TBC1D22A: variants seen among roughly 807,000 people sequenced by gnomAD.
The protein encoded by TBC1D22A is TBC1 domain family member 22A, also known as putative GTPase activator.
A neutral mutation model predicts 60.2 loss-of-function variants in TBC1D22A; 38 were observed. The observed-to-expected ratio is 0.63, with a 90% CI of 0.49 to 0.83. TBC1D22A has a LOEUF of 0.83. Among genes scored for constraint, TBC1D22A ranks in the 40% least tolerant of loss-of-function variants. The probability of loss-of-function intolerance (pLI) is 0.00; values close to 1 mark genes in which losing one functional copy is unlikely to be tolerated. For missense variants in TBC1D22A, 628 were observed against 701.0 expected (o/e 0.90, Z 1.18); for synonymous variants, 302 against 281.7 (o/e 1.07, Z -0.72).
chr22:46,842,143 A>G (rs941413651), intron 4 of TBC1D22A, among the ~76,000 whole-genome samples: 3 of 152,200 alleles, frequency 2.0e-5, no homozygotes, highest in African/African-American at 7.2e-5. Context: ...ACTTTTCCTT[A>G]ATTTAAAACA....
rs5767558 is a variant in TBC1D22A, at chr22:47,168,955, G to A, written c.1426-4543G>A. ...GGCATCGGGAGCCTCAGCATTGGGA[G>A]CCTCGTCTGCTCTTCGGCATCGGGA... On this transcript the variant is annotated intron_variant, in intron 12 of 12. Coordinates refer to ENST00000337137, the MANE Select transcript of TBC1D22A (RefSeq NM_014346.5). Among the ~76,000 whole-genome samples the A allele has an allele frequency of 3.6e-3, 540 of 151,928 alleles. 25 individuals carry two copies. The East Asian group carries it at 0.095, about 27-fold the overall frequency.
chr22:46,898,144 A>AT (rs1249869128), intron 7 of TBC1D22A, among the ~76,000 whole-genome samples: 2 of 152,042 alleles, frequency 1.3e-5, no homozygotes, highest in Admixed American at 1.3e-4. Flanking sequence ...ATTCTTATTT[A>AT]TTTTTTCCTA....
chr22:47,074,645 T>C (rs1475264502), intron 11 of TBC1D22A, among the ~76,000 whole-genome samples: 1 of 152,256 alleles, frequency 6.6e-6, no homozygotes, highest in East Asian at 1.9e-4. Flanking sequence ...GGAGTGCTTT[T>C]TGATAGCCAC....
intron 8 of TBC1D22A, among the ~76,000 whole-genome samples, chr22:46,942,961 C>T (rs923610370): frequency 9.9e-5 from 15 of 152,084 alleles, no homozygotes; most frequent in African/African-American, 3.4e-4. Flanking sequence ...TGCTTGCACA[C>T]GGAGGTGCGT....
At chr22:47,100,036 G>A (rs759419744) in intron 11 of TBC1D22A, among the ~76,000 whole-genome samples, 21 of 151,924 alleles carry the variant, frequency 1.4e-4, no homozygotes, top group Non-Finnish European at 2.9e-5. Context: ...GATGCTGACA[G>A]ACAGAGCCAA....
intron 8 of TBC1D22A, among the ~76,000 whole-genome samples, chr22:46,947,972 C>A (rs950479709): frequency 6.6e-6 from 1 of 152,192 alleles, no homozygotes; most frequent in Admixed American, 6.5e-5. Context: ...CTGATAAACT[C>A]GCCTTTTAAT....
At chr22:46,953,162 A>T (rs1283221636) in intron 8 of TBC1D22A, among the ~76,000 whole-genome samples, 4 of 152,188 alleles carry the variant, frequency 2.6e-5, no homozygotes, top group Non-Finnish European at 4.4e-5. Context: ...TGTTTTCCAC[A>T]TTTAATTTAT....
chr22:47,134,599 G>A (rs568469321), intron 12 of TBC1D22A, among the ~76,000 whole-genome samples: 1 of 152,342 alleles, frequency 6.6e-6, no homozygotes, highest in South Asian at 2.1e-4. Flanking sequence ...GGGTGTAAAA[G>A]GAATCAAAAA....
intron 4 of TBC1D22A, among the ~76,000 whole-genome samples, chr22:46,804,365 A>G (rs748975263): frequency 2.0e-5 from 3 of 152,250 alleles, no homozygotes; most frequent in Non-Finnish European, 4.4e-5. Flanking sequence ...CCAACAAACC[A>G]AAATTGCCAC....
intron 7 of TBC1D22A, among the ~76,000 whole-genome samples, chr22:46,895,197 G>A (rs1057335787): frequency 2.6e-5 from 4 of 152,064 alleles, no homozygotes; most frequent in African/African-American, 9.7e-5. Context: ...AAGGCCGCTT[G>A]TGTATCCCCC....
intron 8 of TBC1D22A, among the ~76,000 whole-genome samples, chr22:46,957,148 C>A (rs1251488139): frequency 6.6e-6 from 1 of 152,184 alleles, no homozygotes; most frequent in African/African-American, 2.4e-5. Context: ...ATTGCAGGCA[C>A]CAGGTGTGAT....
intron 4 of TBC1D22A, among the ~76,000 whole-genome samples, chr22:46,839,021 A>C (rs1338637747): frequency 6.6e-6 from 1 of 152,242 alleles, no homozygotes; most frequent in African/African-American, 2.4e-5. Flanking sequence ...GACAGTAAAA[A>C]GAAATAAAAG....
intron 4 of TBC1D22A, among the ~76,000 whole-genome samples, chr22:46,817,282 T>TC (rs1437693366): frequency 1.1e-4 from 16 of 151,860 alleles, no homozygotes; most frequent in Non-Finnish European, 1.6e-4. Flanking sequence ...CTTTATTCCT[T>TC]CTAAAAAAAA....
intron 10 of TBC1D22A, among the ~76,000 whole-genome samples, chr22:47,010,922 C>T (rs1184503909): frequency 6.6e-6 from 1 of 152,136 alleles, no homozygotes; most frequent in East Asian, 1.9e-4. Flanking sequence ...AGCCTCGGTC[C>T]CTGACTCTGG....
At chr22:46,974,240 G>A in intron 8 of TBC1D22A, 50 bp from the exon 9 acceptor site, 2 of 1,509,870 alleles carry the variant, frequency 1.3e-6, no homozygotes, top group South Asian at 2.4e-5. Context: ...GTGGGTCGAG[G>A]TCCCGTGTGG....
At position 46,792,472 on chromosome 22, in the gene TBC1D22A, G is replaced by A. The variant is rs200978487; in HGVS notation, c.63-48G>A. The A allele has an allele frequency of 7.8e-5, 126 of 1,613,638 alleles. No individual in the cohort carries two copies. The African/African-American group carries it at 1.5e-3, about 20-fold the overall frequency. The stretch of plus-strand genomic sequence containing the variant: ...TCGGCTGAGCTGGTGGAGGGCTCTT[G>A]GGAAGGCAGGAGAGAGGCTCACTGG... On this transcript the variant is annotated intron_variant, in intron 1 of 12. Coordinates refer to ENST00000337137, the MANE Select transcript of TBC1D22A (RefSeq NM_014346.5).
At chr22:46,907,580 A>ATCCTCGCCTCCACCG (rs1209850812) in intron 7 of TBC1D22A, among the ~76,000 whole-genome samples, 3 of 152,150 alleles carry the variant, frequency 2.0e-5, no homozygotes, top group South Asian at 2.1e-4. Flanking sequence ...CAGCTGCGCC[A>ATCCTCGCCTCCACCG]TCCTCGCCTC....
intron 4 of TBC1D22A, among the ~76,000 whole-genome samples, chr22:46,806,013 C>T (rs1254017442): frequency 1.3e-5 from 2 of 151,896 alleles, no homozygotes; most frequent in Non-Finnish European, 2.9e-5. Context: ...CCACCACACC[C>T]GGCTAAGTTT....
intron 8 of TBC1D22A, among the ~76,000 whole-genome samples, chr22:46,964,247 A>G (rs1443396238): frequency 2.6e-5 from 4 of 152,164 alleles, no homozygotes; most frequent in African/African-American, 7.2e-5. Context: ...GCTGTTTGCA[A>G]ATGATATAGG....
Sources: allele counts gnomAD v4.1 joint callset (sites outside exome capture counted in the v4.1 genomes callset), GRCh38; gene constraint gnomAD v4.1.1; transcripts MANE v1.5; gene names NCBI Gene and HGNC (gene_info 2026-07-23, HGNC 2026-07-21).